ADCY7: variants seen among roughly 807,000 people sequenced by gnomAD.
ADCY7 encodes adenylate cyclase type 7.
ADCY7 carries 72 observed loss-of-function variants against 120.6 expected under a neutral mutation model. That is an observed-to-expected ratio of 0.60 (90% CI 0.49 to 0.73). ADCY7 has a LOEUF of 0.73. Ranked by LOEUF, ADCY7 falls within the 30% of genes least tolerant of loss-of-function variation. The pLI is 0.00. For missense variants in ADCY7, 1,227 were observed against 1,486.0 expected (o/e 0.83, Z 2.87); for synonymous variants, 661 against 628.0 (o/e 1.05, Z -0.78).
chr16:50,290,642 G>A lies in ADCY7; in HGVS notation c.357G>A (p.Ala119=), dbSNP rs775568188. The change falls in exon 3 of 26, where the codon GCG becomes GCA. Residue 119 remains alanine (A), a synonymous_variant. Transcript: ENST00000673801. ...TGGTGTTCGACGCATGGACAAAGGCGGCCTGTGCGTGGGAGCAGGTAACAG... is the reference window on the plus strand; with the variant it reads ...TGGTGTTCGACGCATGGACAAAGGCAGCCTGTGCGTGGGAGCAGGTAACAG... ...YVLVFDAWTK[A]ACAWEQVPFF... 2.1e-5 allele frequency: 34 copies of A among 1,613,642 alleles called. No individual in the cohort carries two copies. In the African/African-American group the frequency reaches 2.1e-4, roughly 10 times the overall value.
In ADCY7 at chr16:50,299,009, C is replaced by T. The variant is rs1248891184; in HGVS notation, c.1054C>T (p.Leu352=). Residue 352 remains leucine, a synonymous_variant, in exon 8 of 26, where the codon CTG becomes TTG. Transcript: ENST00000673801. Reference sequence around the variant, plus strand: ...CGCCCGGAACTGCGTGAAGATGGGGCTGGACATGTGCCAGGCCATCAAGTA... The same window carrying T: ...CGCCCGGAACTGCGTGAAGATGGGGTTGGACATGTGCCAGGCCATCAAGTA... The part of the protein sequence containing the change: ...THARNCVKMG[L]DMCQAIKQVR... 3.1e-6 allele frequency: 5 copies of T among 1,612,074 alleles called. No homozygotes were observed. The East Asian group carries it at 1.1e-4, about 36-fold the overall frequency.
At position 50,294,679 on chromosome 16, in the gene ADCY7, C is replaced by G. The variant is rs760080134; in HGVS notation, c.876C>G (p.Ala292=). Reference sequence around the variant, plus strand: ...ACATCGTGGGCTTCACGCAGCTGGCCAGCGACTGTTCTCCCAAGGAGCTGG... The same window carrying G: ...ACATCGTGGGCTTCACGCAGCTGGCGAGCGACTGTTCTCCCAAGGAGCTGG... ...YADIVGFTQL[A]SDCSPKELVV... is the part of the protein sequence containing the mutation. The change falls in exon 7 of 26, where the codon GCC becomes GCG. Residue 292 remains alanine (A), a synonymous_variant. Coordinates refer to ENST00000673801, the MANE Select transcript of ADCY7 (RefSeq NM_001114.5). 1.4e-5 allele frequency: 23 copies of G among 1,613,422 alleles called. No homozygotes were observed. Among genetic ancestry groups the G allele is most frequent in the Middle Eastern group, 1.6e-4 (1 of 6,078 alleles).
At chr16:50,311,239 T>TG (rs1456902299) in intron 19 of ADCY7, among the ~76,000 whole-genome samples, 1 of 152,136 alleles carries the variant, frequency 6.6e-6, no homozygotes, top group Non-Finnish European at 1.5e-5. Flanking sequence ...CTGGCAGGGC[T>TG]GGGGTGTGTG....
At chr16:50,267,159 A>G (rs1023415604) in intron 1 of ADCY7, among the ~76,000 whole-genome samples, 3 of 152,264 alleles carry the variant, frequency 2.0e-5, no homozygotes, top group South Asian at 2.1e-4. Flanking sequence ...CCTGAGGGTC[A>G]GGAAACCAAG....
chr16:50,272,935 C>T (rs989626247), intron 1 of ADCY7, among the ~76,000 whole-genome samples: 2 of 152,178 alleles, frequency 1.3e-5, no homozygotes, highest in African/African-American at 4.8e-5. Flanking sequence ...TCCCTGGAGA[C>T]ACTGCTCCAT....
At chr16:50,312,391 C>G (rs564043978) in intron 21 of ADCY7, among the ~76,000 whole-genome samples, 200 bp downstream of exon 21, 5 of 152,270 alleles carry the variant, frequency 3.3e-5, no homozygotes, top group African/African-American at 9.6e-5. Context: ...CAAGTGTGGT[C>G]GTGAACAAGG....
chr16:50,308,187 C>T (rs770998166), intron 15 of ADCY7, 140 bp from the exon 16 acceptor site: 8 of 1,459,116 alleles, frequency 5.5e-6, no homozygotes, highest in South Asian at 4.7e-5. Flanking sequence ...AGCTGGGCCA[C>T]AGTTTTCACA....
At chr16:50,246,667 C>G (rs1303678249) in intron 1 of ADCY7, among the ~76,000 whole-genome samples, 1 of 152,182 alleles carries the variant, frequency 6.6e-6, no homozygotes, top group African/African-American at 2.4e-5. Flanking sequence ...GCGCTCCCGC[C>G]GGAGCCAGCA....
intron 1 of ADCY7, among the ~76,000 whole-genome samples, chr16:50,251,072 C>T (rs2032743316): frequency 6.6e-6 from 1 of 151,334 alleles, no homozygotes; most frequent in Admixed American, 6.6e-5. Flanking sequence ...CTGTTTCTTC[C>T]CAAAAAAAGA....
Position 50,308,657 on chromosome 16 carries a change from T to TA in ADCY7, c.1936-9dup. 1 of 1,607,374 alleles carries TA rather than the reference T, an allele frequency of 6.2e-7. No homozygotes were observed. The highest frequency in any genetic ancestry group is 8.5e-7 in the Non-Finnish European group (1 of 1,176,566). On this transcript the variant is annotated splice_polypyrimidine_tract_variant and intron_variant, in intron 16 of 25. Coordinates refer to ENST00000673801, the MANE Select transcript of ADCY7 (RefSeq NM_001114.5). Reference sequence around the variant, plus strand: ...TTGGCTCTGGGTGACTTGACCCTGTTACCCCACAGAGGTGCTGCCCAGCTC... The same window carrying TA: ...TTGGCTCTGGGTGACTTGACCCTGTTAACCCCACAGAGGTGCTGCCCAGCTC...
chr16:50,307,298 T>G (rs1016620632), intron 15 of ADCY7, 151 bp downstream of exon 15: 72 of 663,538 alleles, frequency 1.1e-4, no homozygotes, highest in Non-Finnish European at 1.5e-4. Context: ...CAGCACACCT[T>G]GAGTTACCAA....
chr16:50,279,709 G>T (rs1370198291), intron 1 of ADCY7: 1 of 152,212 alleles, frequency 6.6e-6, no homozygotes, highest in Non-Finnish European at 1.5e-5. Context: ...CTGAAGGTAT[G>T]CATGGACGAA....
upstream of ADCY7, among the ~76,000 whole-genome samples, chr16:50,265,406 C>A (rs1029763369): frequency 6.6e-6 from 1 of 152,208 alleles, no homozygotes; most frequent in Non-Finnish European, 1.5e-5. Flanking sequence ...AGATGGCAGA[C>A]CTTAGATCAC....
At chr16:50,285,524 C>T (rs571073338) in intron 1 of ADCY7, among the ~76,000 whole-genome samples, 1 of 152,338 alleles carries the variant, frequency 6.6e-6, no homozygotes, top group South Asian at 2.1e-4. Context: ...GCTCACCTGG[C>T]CATCTTCCCT....
intron 14 of ADCY7, among the ~76,000 whole-genome samples, chr16:50,306,824 T>C (rs1025699185): frequency 2.6e-5 from 4 of 152,036 alleles, no homozygotes; most frequent in Non-Finnish European, 4.4e-5. Flanking sequence ...GGTGGGAAGG[T>C]TTTAATTATT....
At chr16:50,286,589 C>T (rs755646944) in intron 1 of ADCY7, among the ~76,000 whole-genome samples, 12 of 152,126 alleles carry the variant, frequency 7.9e-5, no homozygotes, top group Non-Finnish European at 1.5e-4. Flanking sequence ...GTCCCCAAAT[C>T]TCAGGGCTCC....
chr16:50,288,460 T>C, intron 2 of ADCY7, 110 bp downstream of exon 2: 1 of 1,215,802 alleles, frequency 8.2e-7, no homozygotes, highest in Non-Finnish European at 1.1e-6. Flanking sequence ...AATGCTATGC[T>C]TTTTTGTTTG....
At chr16:50,252,250 G>A (rs2032779965) in intron 1 of ADCY7, among the ~76,000 whole-genome samples, 1 of 152,226 alleles carries the variant, frequency 6.6e-6, no homozygotes, top group African/African-American at 2.4e-5. Flanking sequence ...GGAAGCAGGA[G>A]GAATGGGACT....
intron 1 of ADCY7, among the ~76,000 whole-genome samples, chr16:50,286,846 C>G (rs182188909): frequency 6.6e-6 from 1 of 152,314 alleles, no homozygotes; most frequent in African/African-American, 2.4e-5. Context: ...ACCTTGATCC[C>G]TACCTCACAC....
Sources: allele counts gnomAD v4.1 joint callset (sites outside exome capture counted in the v4.1 genomes callset), GRCh38; gene constraint gnomAD v4.1.1; transcripts MANE v1.5; gene names NCBI Gene and HGNC (gene_info 2026-07-23, HGNC 2026-07-21).